GABBR1: variants seen among roughly 807,000 people sequenced by gnomAD.
GABBR1 encodes gamma-aminobutyric acid type B receptor subunit 1.
Under a neutral mutation model 117.7 loss-of-function variants are expected in GABBR1, and 35 were observed. The ratio of observed to expected loss-of-function variants is 0.30; its 90% CI spans 0.23 to 0.39. The LOEUF is 0.39. Among genes scored for constraint, GABBR1 ranks in the 10% least tolerant of loss-of-function variants. The pLI is 1.00. For missense variants in GABBR1, 709 were observed against 1,241.8 expected (o/e 0.57, Z 6.45); for synonymous variants, 442 against 486.6 (o/e 0.91, Z 1.21).
At position 29,613,098 on chromosome 6, in the gene GABBR1, G is replaced by T; in HGVS notation, c.1566+145C>A. ...AGTCTTTGATGGGTTCTTCTAATTT[G>T]AAGGTCCCTACTTCTCTGGTCGGAG... On this transcript the variant is annotated intron_variant, in intron 12 of 22. Coordinates refer to ENST00000377034, the MANE Select transcript of GABBR1 (RefSeq NM_001470.4). This position sits in a 1 kb window ranked among gnomAD's most constrained non-coding sequence, Gnocchi z 4.1. 1.2e-6 allele frequency: 1 copy of T among 863,890 alleles called. No homozygotes were observed. Among genetic ancestry groups the T allele is most frequent in the Non-Finnish European group, 1.8e-6 (1 of 549,518 alleles). 53.5% of individuals were successfully genotyped at this position (863,890 alleles called of 1,614,324 possible).
intron 5 of GABBR1, among the ~76,000 whole-genome samples, chr6:29,628,690 T>C (rs1029067033): frequency 6.6e-6 from 1 of 151,900 alleles, no homozygotes; most frequent in Non-Finnish European, 1.5e-5. Context: ...GAAAGTCCAT[T>C]AGGTGAAATC....
Position 29,621,882 on chromosome 6 carries a change from G to A in GABBR1, c.1066-65C>T, listed in dbSNP as rs1037798398. On this transcript the variant is annotated intron_variant, in intron 9 of 22. Coordinates refer to ENST00000377034, the MANE Select transcript of GABBR1 (RefSeq NM_001470.4). This position sits in a 1 kb window ranked among gnomAD's most constrained non-coding sequence, Gnocchi z 5.0. ...GAATGCCTGAGGGGCTAAGCCAGAT[G>A]TCTTCACAGCTTTGATTTCCCATCC... 66 of 1,522,048 alleles carry A rather than the reference G, an allele frequency of 4.3e-5. No individual in the cohort carries two copies. The African/African-American group carries it at 8.8e-4, about 20-fold the overall frequency. 94.3% of individuals were successfully genotyped at this position (1,522,048 alleles called of 1,614,324 possible).
rs987588017 is a variant in GABBR1 at position 29,605,306 on chromosome 6, AT to A, written c.2439+262del. ...CCAGCCCATTAACCACAGACAAGCA[AT>A]TTAACGTCTCTGTGTTTCTGTTTCC... On this transcript the variant is annotated intron_variant, in intron 20 of 22. Coordinates refer to ENST00000377034, the MANE Select transcript of GABBR1 (RefSeq NM_001470.4). The surrounding 1 kb of genome is among the most constrained non-coding windows in gnomAD (Gnocchi z 4.2). The A allele has an allele frequency of 3.5e-6, 2 of 565,192 alleles. No individual in the cohort carries two copies. The highest frequency in any genetic ancestry group is 3.7e-5 in the African/African-American group (2 of 53,412). The allele number at this position is 565,192 out of a possible 1,614,324, so 35.0% of individuals were successfully genotyped here.
Position 29,621,769 on chromosome 6 carries a change from G to T in GABBR1, c.1114C>A (p.Arg372=). 6.2e-7 allele frequency: 1 copy of T among 1,613,996 alleles called. No homozygotes were observed. Among genetic ancestry groups the T allele is most frequent in the Non-Finnish European group, 8.5e-7 (1 of 1,180,002 alleles). ...AACTCCACCTCACAAAAAACTTTCCGGGCTTCAGTCTCATAGAAAAGTCCC... is the reference window on the plus strand; with the variant it reads ...AACTCCACCTCACAAAAAACTTTCCTGGCTTCAGTCTCATAGAAAAGTCCC... The part of the protein sequence containing the change: ...IVGLFYETEA[R]KVFCEVYKER... Residue 372 remains arginine (R), a synonymous_variant, in exon 10 of 23, where the codon CGG becomes AGG. Transcript: ENST00000377034. This position sits in a 1 kb window ranked among gnomAD's most constrained non-coding sequence, Gnocchi z 5.0.
Position 29,621,979 on chromosome 6 carries a change from C to G in GABBR1, c.1065+125G>C, listed in dbSNP as rs1763799396. ...TCAACTGGAAGATGGAGCTAAACTTCCCCAGGAGATGCTATTGCCTCAGAG... is the reference window on the plus strand; with the variant it reads ...TCAACTGGAAGATGGAGCTAAACTTGCCCAGGAGATGCTATTGCCTCAGAG... On this transcript the variant is annotated intron_variant, in intron 9 of 22. Transcript: ENST00000377034. The surrounding 1 kb of genome is among the most constrained non-coding windows in gnomAD (Gnocchi z 5.0). 9.5e-7 allele frequency: 1 copy of G among 1,047,186 alleles called. No individual in the cohort carries two copies. Among genetic ancestry groups the G allele is most frequent in the African/African-American group, 1.6e-5 (1 of 63,008 alleles). The allele number at this position is 1,047,186 out of a possible 1,614,324, so 64.9% of individuals were successfully genotyped here. A position where few individuals can be genotyped will look rare whatever the true frequency, so the allele number is the denominator to read the frequency against.
At position 29,623,795 on chromosome 6, in the gene GABBR1, A is replaced by G. The variant is rs1763998184; in HGVS notation, c.792+95T>C. ...TGAATCTTAGTAGCAGGTCCTCCACACTCCTTTTCAATACAAACCCACAAT... is the reference window on the plus strand; with the variant it reads ...TGAATCTTAGTAGCAGGTCCTCCACGCTCCTTTTCAATACAAACCCACAAT... On this transcript the variant is annotated intron_variant, in intron 7 of 22. Coordinates refer to ENST00000377034, the MANE Select transcript of GABBR1 (RefSeq NM_001470.4). This position sits in a 1 kb window ranked among gnomAD's most constrained non-coding sequence, Gnocchi z 6.2. The G allele has an allele frequency of 7.0e-7, 1 of 1,425,802 alleles. No homozygotes were observed. The highest frequency in any genetic ancestry group is 1.4e-5 in the South Asian group (1 of 73,244). 88.3% of individuals were successfully genotyped at this position (1,425,802 alleles called of 1,614,324 possible). A position where few individuals can be genotyped will look rare whatever the true frequency, so the allele number is the denominator to read the frequency against.
chr6:29,628,966 G>A, intron 5 of GABBR1, 121 bp downstream of exon 5: 2 of 1,128,574 alleles, frequency 1.8e-6, no homozygotes, highest in Non-Finnish European at 2.7e-6. Flanking sequence ...AACTGGGGTG[G>A]GTTGGGGAAG....
chr6:29,607,507 T>C lies in GABBR1; in HGVS notation c.1993-289A>G, dbSNP rs542398083. On this transcript the variant is annotated intron_variant, in intron 16 of 22. Transcript: ENST00000377034. This position sits in a 1 kb window ranked among gnomAD's most constrained non-coding sequence, Gnocchi z 5.0. Reference sequence around the variant, plus strand: ...AAACCTCCAACCACTCCCCAATATCTATAAGTTATAGCCTGAACACTTCTG... The same window carrying C: ...AAACCTCCAACCACTCCCCAATATCCATAAGTTATAGCCTGAACACTTCTG... Among the ~76,000 whole-genome samples the C allele has an allele frequency of 5.9e-5, 9 of 152,062 alleles. No individual in the cohort carries two copies. Among genetic ancestry groups the C allele is most frequent in the South Asian group, 2.1e-4 (1 of 4,826 alleles).
Position 29,623,929 on chromosome 6 carries a change from C to T in GABBR1, c.753G>A (p.Thr251=), listed in dbSNP as rs773494035. ...ILMPGCSSVS[T]LVAEAARMWN... The stretch of plus-strand genomic sequence containing the variant: ...ACATCCTAGCAGCCTCAGCCACCAG[C>T]GTGGAGACAGAGCTGCAGCCAGGCA... Residue 251 remains threonine, a synonymous_variant, in exon 7 of 23, where the codon ACG becomes ACA. Transcript: ENST00000377034. The surrounding 1 kb of genome is among the most constrained non-coding windows in gnomAD (Gnocchi z 6.2). 10 of 1,612,964 alleles carry T rather than the reference C, an allele frequency of 6.2e-6. No homozygotes were observed. The highest frequency in any genetic ancestry group is 1.1e-5 in the South Asian group (1 of 91,068).
chr6:29,603,774 G>A, intron 22 of GABBR1, 58 bp from the exon 23 acceptor site: 1 of 1,329,202 alleles, frequency 7.5e-7, no homozygotes, highest in Admixed American at 3.1e-5. Context: ...AAGGAGTGGG[G>A]AGGAGGGAAA....
Position 29,621,606 on chromosome 6 carries a change from T to A in GABBR1, c.1131+146A>T. The A allele has an allele frequency of 2.7e-6, 2 of 727,500 alleles. No individual in the cohort carries two copies. The highest frequency in any genetic ancestry group is 4.8e-6 in the Non-Finnish European group (2 of 418,820). 45.1% of individuals were successfully genotyped at this position (727,500 alleles called of 1,614,324 possible). A position where few individuals can be genotyped will look rare whatever the true frequency, so the allele number is the denominator to read the frequency against. ...ATGTGTGTGCAGACAAGGGATGCAG[T>A]CAGAGCCAACAGACAGAGACATCCT... On this transcript the variant is annotated intron_variant, in intron 10 of 22. Coordinates refer to ENST00000377034, the MANE Select transcript of GABBR1 (RefSeq NM_001470.4). This position sits in a 1 kb window ranked among gnomAD's most constrained non-coding sequence, Gnocchi z 5.0.
Position 29,613,507 on chromosome 6 carries a change from G to T in GABBR1, c.1324-22C>A. ...ATGTCTTGGGAGGAAAAAATCATGA[G>T]GAAAGAACTGAAATGTGTGTGGGTG... On this transcript the variant is annotated intron_variant, in intron 11 of 22. Transcript: ENST00000377034. The surrounding 1 kb of genome is among the most constrained non-coding windows in gnomAD (Gnocchi z 4.1). The T allele has an allele frequency of 6.2e-7, 1 of 1,609,138 alleles. No homozygotes were observed. The highest frequency in any genetic ancestry group is 8.5e-7 in the Non-Finnish European group (1 of 1,177,250).
At chr6:29,614,877 C>T (rs917131157) in intron 11 of GABBR1, among the ~76,000 whole-genome samples, 2 of 150,454 alleles carry the variant, frequency 1.3e-5, no homozygotes, top group East Asian at 2.0e-4. Context: ...ACAAATGTAC[C>T]ACTCTGGCGG....
chr6:29,604,848 C>T lies in GABBR1; in HGVS notation c.2568+12G>A. On this transcript the variant is annotated intron_variant, in intron 21 of 22. Transcript: ENST00000377034. The surrounding 1 kb of genome is among the most constrained non-coding windows in gnomAD (Gnocchi z 5.3). ...GGGAACAAAGAGGGTGGGAGAAAAGCCAGATCCTTACCTTGGGCACAAAGA... is the reference window on the plus strand; with the variant it reads ...GGGAACAAAGAGGGTGGGAGAAAAGTCAGATCCTTACCTTGGGCACAAAGA... 6.2e-7 allele frequency: 1 copy of T among 1,610,012 alleles called. No individual in the cohort carries two copies. The highest frequency in any genetic ancestry group is 8.5e-7 in the Non-Finnish European group (1 of 1,178,544).
Position 29,621,968 on chromosome 6 carries a change from G to A in GABBR1, c.1065+136C>T. 9.7e-7 allele frequency: 1 copy of A among 1,031,004 alleles called. No individual in the cohort carries two copies. Among genetic ancestry groups the A allele is most frequent in the East Asian group, 2.5e-5 (1 of 39,994 alleles). 63.9% of individuals were successfully genotyped at this position (1,031,004 alleles called of 1,614,324 possible). Reference sequence around the variant, plus strand: ...GTGAATAAACGTCAACTGGAAGATGGAGCTAAACTTCCCCAGGAGATGCTA... The same window carrying A: ...GTGAATAAACGTCAACTGGAAGATGAAGCTAAACTTCCCCAGGAGATGCTA... On this transcript the variant is annotated intron_variant, in intron 9 of 22. Coordinates refer to ENST00000377034, the MANE Select transcript of GABBR1 (RefSeq NM_001470.4). This position sits in a 1 kb window ranked among gnomAD's most constrained non-coding sequence, Gnocchi z 5.0.
chr6:29,605,900 T>A lies in GABBR1; in HGVS notation c.2312-204A>T. ...TTGCCCAGACCACATCACTTTTTCC[T>A]GGGATTCACACAGGAAAGCAATGGT... On this transcript the variant is annotated intron_variant, in intron 19 of 22. Coordinates refer to ENST00000377034, the MANE Select transcript of GABBR1 (RefSeq NM_001470.4). This position sits in a 1 kb window ranked among gnomAD's most constrained non-coding sequence, Gnocchi z 4.2. The A allele has an allele frequency of 1.7e-6, 1 of 602,294 alleles. No homozygotes were observed. Among genetic ancestry groups the A allele is most frequent in the Non-Finnish European group, 2.9e-6 (1 of 343,092 alleles). 37.3% of individuals were successfully genotyped at this position (602,294 alleles called of 1,614,324 possible). A position where few individuals can be genotyped will look rare whatever the true frequency, so the allele number is the denominator to read the frequency against.
chr6:29,628,650 G>T (rs1764626936), intron 5 of GABBR1, among the ~76,000 whole-genome samples: 1 of 151,388 alleles, frequency 6.6e-6, no homozygotes, highest in African/African-American at 2.4e-5. Context: ...GAGAGGCCTG[G>T]CCAGGGTTGG....
In GABBR1 at chr6:29,620,598, C is replaced by T. The variant is rs1763646036; in HGVS notation, c.1323+503G>A. Among the ~76,000 whole-genome samples, 1 of 152,116 alleles carries T rather than the reference C, an allele frequency of 6.6e-6. No homozygotes were observed. The highest frequency in any genetic ancestry group is 6.5e-5 in the Admixed American group (1 of 15,276). ...GGCTAAATGATTTCAAAAGCCCCTT[C>T]TCCACATAAAATTCTAAAAAAAGAA... is the stretch of plus-strand genomic sequence containing the variant. On this transcript the variant is annotated intron_variant, in intron 11 of 22. Transcript: ENST00000377034. The surrounding 1 kb of genome is among the most constrained non-coding windows in gnomAD (Gnocchi z 4.5).
At position 29,604,788 on chromosome 6, in the gene GABBR1, C is replaced by A; in HGVS notation, c.2568+72G>T. On this transcript the variant is annotated intron_variant, in intron 21 of 22. Coordinates refer to ENST00000377034, the MANE Select transcript of GABBR1 (RefSeq NM_001470.4). The surrounding 1 kb of genome is among the most constrained non-coding windows in gnomAD (Gnocchi z 5.3). ...GAGGGTGAACGGAAGGGCAGAGGAA[C>A]TCAGTAATATAGGAAGGAGGGATGG... The A allele has an allele frequency of 6.3e-7, 1 of 1,586,982 alleles. No individual in the cohort carries two copies. The highest frequency in any genetic ancestry group is 8.6e-7 in the Non-Finnish European group (1 of 1,164,306).
Sources: allele counts gnomAD v4.1 joint callset (sites outside exome capture counted in the v4.1 genomes callset), GRCh38; gene constraint gnomAD v4.1.1; non-coding constraint Gnocchi (gnomAD v3.1); transcripts MANE v1.5; gene names NCBI Gene and HGNC (gene_info 2026-07-23, HGNC 2026-07-21).